The following PPP2R2C variants were observed in gnomAD, a reference collection of about 807,000 sequenced individuals.
The protein encoded by PPP2R2C is protein phosphatase 2 regulatory subunit Bgamma, also known as protein phosphatase 2, regulatory subunit B, gamma.
In PPP2R2C, 10 loss-of-function variants were observed where a neutral mutation model predicts 45.3. That is an observed-to-expected ratio of 0.22 (90% CI 0.14 to 0.37). The LOEUF is 0.37. Ranked by LOEUF, PPP2R2C falls within the 10% of genes least tolerant of loss-of-function variation. The pLI is 1.00. For missense variants in PPP2R2C, 308 were observed against 619.7 expected, an observed-to-expected ratio of 0.50 and a Z score of 5.34; for synonymous variants, 257 against 245.4, an observed-to-expected ratio of 1.05 and a Z score of -0.44.
chr4:6,514,544 C>A (rs1723773595), intron 2 of PPP2R2C, among the ~76,000 whole-genome samples: 1 of 150,798 alleles, frequency 6.6e-6, no homozygotes, highest in South Asian at 2.1e-4. Flanking sequence ...GACTCACCTC[C>A]CACAGGCTCT....
At chr4:6,362,175 G>C (rs1298403436) in intron 5 of PPP2R2C, among the ~76,000 whole-genome samples, 1 of 152,130 alleles carries the variant, frequency 6.6e-6, no homozygotes, top group African/African-American at 2.4e-5. Context: ...CTCAGAGGGA[G>C]CATAGGCTCT....
chr4:6,525,927 C>G (rs1016745868), intron 2 of PPP2R2C, among the ~76,000 whole-genome samples: 4 of 152,206 alleles, frequency 2.6e-5, no homozygotes, highest in African/African-American at 9.7e-5. Context: ...TGGTCTCGAA[C>G]TCCTGACCTC....
At chr4:6,478,930 G>A (rs1033756851) in intron 2 of PPP2R2C, among the ~76,000 whole-genome samples, 2 of 152,188 alleles carry the variant, frequency 1.3e-5, no homozygotes, top group Non-Finnish European at 2.9e-5. Flanking sequence ...ACTCTACAGC[G>A]TCGCTGGCCC....
At chr4:6,370,370 C>A (rs977665159) in intron 5 of PPP2R2C, among the ~76,000 whole-genome samples, 5 of 152,220 alleles carry the variant, frequency 3.3e-5, no homozygotes, top group Non-Finnish European at 5.9e-5. Flanking sequence ...ACGGTCCAGG[C>A]CGCTCAGTGA....
chr4:6,548,225 AAAGAAGAAG>A (rs60462800), intron 1 of PPP2R2C, among the ~76,000 whole-genome samples: 12 of 151,124 alleles, frequency 7.9e-5, no homozygotes, highest in East Asian at 7.8e-4. Context: ...CTTAAAAGAA[AAAGAAGAAG>A]AAGAAGAAGA....
chr4:6,455,994 G>GA (rs35563274), intron 1 of PPP2R2C, among the ~76,000 whole-genome samples: 27,749 of 152,072 alleles, frequency 0.18, 2,593 homozygotes, highest in Non-Finnish European at 0.21. Context: ...ATCCTGGGGG[G>GA]GGGGAGCTGC....
intron 2 of PPP2R2C, among the ~76,000 whole-genome samples, chr4:6,481,555 G>T (rs1432185014): frequency 6.6e-6 from 1 of 152,172 alleles, no homozygotes; most frequent in Non-Finnish European, 1.5e-5. Context: ...GCCGTAGAGA[G>T]ACAGCTTTAT....
At chr4:6,435,090 T>A (rs1405399976) in intron 1 of PPP2R2C, among the ~76,000 whole-genome samples, 4 of 152,240 alleles carry the variant, frequency 2.6e-5, no homozygotes, top group African/African-American at 9.6e-5. Flanking sequence ...AAATTTTTTT[T>A]ATTTAATTAT....
chr4:6,406,450 G>C (rs1231552843), intron 1 of PPP2R2C, among the ~76,000 whole-genome samples: 1 of 152,204 alleles, frequency 6.6e-6, no homozygotes, highest in African/African-American at 2.4e-5. Context: ...CACACTCTTG[G>C]CAGGGTGCAG....
In PPP2R2C at chr4:6,563,158, G is replaced by C. The variant is rs1021311811; in HGVS notation, c.-59+402C>G. ...CCCGCACCTTCAGCCGGGCAGCGAG[G>C]GGGGGCTCGAGCGCGCCGGTTCTCG... On this transcript the variant is annotated intron_variant, in intron 1 of 9. Coordinates refer to the PPP2R2C transcript ENST00000506140. The surrounding 1 kb of genome is among the most constrained non-coding windows in gnomAD (Gnocchi z 5.8). 7.9e-5 allele frequency among the ~76,000 whole-genome samples: 12 copies of C among 152,160 alleles called. No homozygotes were observed. The highest frequency in any genetic ancestry group is 3.9e-4 in the East Asian group (2 of 5,164).
chr4:6,472,026 G>T, intron 1 of PPP2R2C, 134 bp downstream of exon 1: 1 of 1,107,104 alleles, frequency 9.0e-7, no homozygotes, highest in Non-Finnish European at 1.3e-6. Flanking sequence ...GGGGTGGGGT[G>T]GGATGGGGTG....
chr4:6,525,832 T>C (rs1292367188), intron 2 of PPP2R2C, among the ~76,000 whole-genome samples: 1 of 152,088 alleles, frequency 6.6e-6, no homozygotes, highest in African/African-American at 2.4e-5. Context: ...GCCTCCCGAA[T>C]AGCTGGGACT....
chr4:6,350,586 G>A, intron 5 of PPP2R2C: 1 of 985,326 alleles, frequency 1.0e-6, no homozygotes, highest in Non-Finnish European at 1.2e-6. Flanking sequence ...TAACTCATGG[G>A]GCGCAGTGGG....
intron 1 of PPP2R2C, among the ~76,000 whole-genome samples, chr4:6,455,712 T>G (rs1213789492): frequency 6.6e-6 from 1 of 152,142 alleles, no homozygotes; most frequent in African/African-American, 2.4e-5. Flanking sequence ...CTCCCCTGCC[T>G]GGACAGATCA....
chr4:6,347,272 T>C (rs914145671), intron 6 of PPP2R2C, among the ~76,000 whole-genome samples: 1 of 152,202 alleles, frequency 6.6e-6, no homozygotes, highest in African/African-American at 2.4e-5. Flanking sequence ...TGAGCTGTTA[T>C]GCTGGGGGCT....
At position 6,472,140 on chromosome 4, in the gene PPP2R2C, TCA is replaced by T. The variant is rs1464124053; in HGVS notation, c.70+18_70+19del. 6.2e-7 allele frequency: 1 copy of T among 1,613,306 alleles called. No individual in the cohort carries two copies. Among genetic ancestry groups the T allele is most frequent in the African/African-American group, 1.3e-5 (1 of 74,982 alleles). ...CACGCCGCGGCCGGCCGGAGGGGTC[TCA>T]GACAACACGTACGTTACCTTCAGTC... On this transcript the variant is annotated intron_variant, in intron 1 of 8. Coordinates refer to ENST00000382599, the MANE Select transcript of PPP2R2C (RefSeq NM_020416.4).
intron 1 of PPP2R2C, among the ~76,000 whole-genome samples, chr4:6,414,354 C>T (rs945141120): frequency 3.3e-5 from 5 of 152,088 alleles, no homozygotes; most frequent in Admixed American, 6.5e-5. Context: ...ATCATGTGCA[C>T]GGTGGGCATT....
chr4:6,378,710 ACT>A lies in PPP2R2C; in HGVS notation c.169-140_169-139del. 2 of 925,316 alleles carry A rather than the reference ACT, an allele frequency of 2.2e-6. No homozygotes were observed. Among genetic ancestry groups the A allele is most frequent in the Non-Finnish European group, 3.3e-6 (2 of 612,052 alleles). 57.3% of individuals were successfully genotyped at this position (925,316 alleles called of 1,614,324 possible). On this transcript the variant is annotated intron_variant, in intron 2 of 8. Transcript: ENST00000382599. This position sits in a 1 kb window ranked among gnomAD's most constrained non-coding sequence, Gnocchi z 5.2. ...GGATCCAATTCGAGGGTCAAATGAAACTCTCTGCAGCTTAACCGGCCCATGAC... is the reference window on the plus strand; with the variant it reads ...GGATCCAATTCGAGGGTCAAATGAAACTCTGCAGCTTAACCGGCCCATGAC...
At chr4:6,416,172 G>T (rs865866661) in intron 1 of PPP2R2C, among the ~76,000 whole-genome samples, 3 of 77,200 alleles carry the variant, frequency 3.9e-5, no homozygotes, top group Non-Finnish European at 8.7e-5. Context: ...GCCTAACAAG[G>T]ATAACAACCT....
Sources: gnomAD v4.1 joint callset for allele counts (sites outside exome capture counted in the v4.1 genomes callset) on GRCh38, gnomAD v4.1.1 for gene constraint, Gnocchi (gnomAD v3.1) non-coding constraint, MANE v1.5 for transcripts, NCBI Gene and HGNC (gene_info 2026-07-23, HGNC 2026-07-21) for gene names.